The following KHDRBS3 variants were observed in gnomAD, a reference collection of about 807,000 sequenced individuals.
KHDRBS3 encodes KH domain-containing, RNA-binding, signal transduction-associated protein 3.
KHDRBS3 carries 23 observed loss-of-function variants against 45.6 expected under a neutral mutation model. That is an observed-to-expected ratio of 0.50 (90% CI 0.36 to 0.72). The LOEUF is 0.72. Ranked by LOEUF, KHDRBS3 falls within the 30% of genes least tolerant of loss-of-function variation. KHDRBS3 has a pLI of 0.00. For synonymous variants in KHDRBS3, 162 were observed against 156.5 expected, an observed-to-expected ratio of 1.04 and a Z score of -0.26; for missense variants, 352 against 424.8, an observed-to-expected ratio of 0.83 and a Z score of 1.51.
Position 135,601,313 on chromosome 8 carries a change from A to G in KHDRBS3, c.808-5642A>G, listed in dbSNP as rs73712087. On this transcript the variant is annotated intron_variant, in intron 6 of 8. Transcript: ENST00000355849. ...ATTCAGAAAGGTAGGTGAAGCAAAA[A>G]GCAAGGCATATTGTATGCAGCCCAG... Among the ~76,000 whole-genome samples the G allele has an allele frequency of 8.9e-3, 1,353 of 152,334 alleles. 13 individuals are homozygous for G. The highest frequency in any genetic ancestry group is 0.024 in the African/African-American group (1,006 of 41,572).
intron 7 of KHDRBS3, among the ~76,000 whole-genome samples, chr8:135,622,256 G>T (rs1284607616): frequency 6.6e-6 from 1 of 152,160 alleles, no homozygotes; most frequent in Non-Finnish European, 1.5e-5. Context: ...AATATAGAGA[G>T]GTAGAATTTT....
intron 2 of KHDRBS3, chr8:135,542,147 T>C (rs943594538): frequency 1.3e-5 from 2 of 152,256 alleles, no homozygotes; most frequent in African/African-American, 2.4e-5. Context: ...ATGAATTTTA[T>C]TGTAAAGCTT....
chr8:135,631,158 G>A (rs1308477262), intron 7 of KHDRBS3, among the ~76,000 whole-genome samples: 1 of 151,662 alleles, frequency 6.6e-6, no homozygotes, highest in East Asian at 2.0e-4. Context: ...GGCTGAGGCA[G>A]GGGAATTGCT....
chr8:135,626,526 G>A (rs550171838), intron 7 of KHDRBS3, among the ~76,000 whole-genome samples: 3 of 152,316 alleles, frequency 2.0e-5, no homozygotes, highest in South Asian at 2.1e-4. Flanking sequence ...AGTGGGGGCC[G>A]GGCGCGGTGG....
intron 1 of KHDRBS3, among the ~76,000 whole-genome samples, chr8:135,483,812 C>T (rs900019348): frequency 1.3e-5 from 2 of 152,172 alleles, no homozygotes; most frequent in Non-Finnish European, 2.9e-5. Flanking sequence ...TATTCTCTCT[C>T]CCTATCTAGG....
chr8:135,511,712 C>T (rs1227253869), intron 1 of KHDRBS3, among the ~76,000 whole-genome samples: 4 of 152,010 alleles, frequency 2.6e-5, no homozygotes, highest in Non-Finnish European at 4.4e-5. Flanking sequence ...CCTGCCACCA[C>T]GCCAGGCTAA....
chr8:135,470,856 G>A (rs1460735055), intron 1 of KHDRBS3, among the ~76,000 whole-genome samples: 1 of 152,164 alleles, frequency 6.6e-6, no homozygotes, highest in Non-Finnish European at 1.5e-5. Flanking sequence ...AAAGTGCTGG[G>A]ATTACAGGCG....
intron 7 of KHDRBS3, among the ~76,000 whole-genome samples, chr8:135,611,246 A>T (rs1455693939): frequency 6.6e-6 from 1 of 151,930 alleles, no homozygotes; most frequent in Non-Finnish European, 1.5e-5. Context: ...TTTAATCCTC[A>T]TAACATGTCA....
chr8:135,613,596 T>G (rs1211839676), intron 7 of KHDRBS3, among the ~76,000 whole-genome samples: 1 of 151,566 alleles, frequency 6.6e-6, no homozygotes, highest in Non-Finnish European at 1.5e-5. Context: ...CTAAATTCCT[T>G]CTGCTTGTTG....
intron 5 of KHDRBS3, among the ~76,000 whole-genome samples, chr8:135,572,695 A>G (rs910978003): frequency 6.6e-6 from 1 of 152,254 alleles, no homozygotes; most frequent in African/African-American, 2.4e-5. Context: ...GCATGAACGC[A>G]TGAGATGCGC....
chr8:135,649,780 T>A (rs1244197015), downstream of KHDRBS3, among the ~76,000 whole-genome samples: 1 of 152,176 alleles, frequency 6.6e-6, no homozygotes, highest in African/African-American at 2.4e-5. Flanking sequence ...AATCCTCAGG[T>A]GCTATTCAGA....
chr8:135,647,778 T>C (rs1483014170), downstream of KHDRBS3: 1 of 152,234 alleles, frequency 6.6e-6, no homozygotes, highest in African/African-American at 2.4e-5. Context: ...AATGTACCAT[T>C]ATATACTCAC....
intron 7 of KHDRBS3, among the ~76,000 whole-genome samples, chr8:135,642,220 CA>C (rs1017205133): frequency 2.2e-4 from 33 of 152,336 alleles, no homozygotes; most frequent in African/African-American, 7.7e-4. Flanking sequence ...CCGTGGTGAG[CA>C]AAAGCCACCT....
intron 4 of KHDRBS3, among the ~76,000 whole-genome samples, chr8:135,653,588 A>G (rs1831472506): frequency 6.6e-6 from 1 of 152,154 alleles, no homozygotes; most frequent in Admixed American, 6.5e-5. Context: ...TTTGTTTTTC[A>G]CTTTGAGTAC....
chr8:135,485,186 A>G (rs1822791651), intron 1 of KHDRBS3, among the ~76,000 whole-genome samples: 1 of 71,934 alleles, frequency 1.4e-5, no homozygotes, highest in African/African-American at 7.5e-5. Flanking sequence ...AACTCTGTGT[A>G]AACAGCACTT....
rs556993239 is a variant in KHDRBS3, at chr8:135,563,530, C to T, written c.611+5943C>T. Among the ~76,000 whole-genome samples the T allele has an allele frequency of 2.6e-5, 4 of 152,312 alleles. No individual in the cohort carries two copies. In the South Asian group the frequency reaches 8.3e-4, roughly 32 times the overall value. On this transcript the variant is annotated intron_variant, in intron 5 of 8. Transcript: ENST00000355849. ...GTCAAGCCAATTTACCTTATTTATT[C>T]ACGTTGTCATTGGTTATTCCTTATG...
At chr8:135,557,268 T>C (rs1223469495) in intron 4 of KHDRBS3, among the ~76,000 whole-genome samples, 180 bp from the exon 5 acceptor site, 1 of 152,238 alleles carries the variant, frequency 6.6e-6, no homozygotes, top group Non-Finnish European at 1.5e-5. Flanking sequence ...TGTAGTTTTT[T>C]TCTTCCTTTT....
At chr8:135,590,368 G>A (rs1828690992) in intron 6 of KHDRBS3, among the ~76,000 whole-genome samples, 1 of 152,188 alleles carries the variant, frequency 6.6e-6, no homozygotes, top group Non-Finnish European at 1.5e-5. Flanking sequence ...TCTTCAGAGT[G>A]ACCATCTGTT....
At chr8:135,624,946 CTT>C (rs1385242955) in intron 7 of KHDRBS3, among the ~76,000 whole-genome samples, 2 of 152,146 alleles carry the variant, frequency 1.3e-5, no homozygotes, top group African/African-American at 4.8e-5. Context: ...CGGTCAGCCT[CTT>C]TGTTTCCCAG....
Sources: allele counts gnomAD v4.1 joint callset (sites outside exome capture counted in the v4.1 genomes callset), GRCh38; gene constraint gnomAD v4.1.1; transcripts MANE v1.5; gene names NCBI Gene and HGNC (gene_info 2026-07-23, HGNC 2026-07-21).